FYB1: variants seen among roughly 807,000 people sequenced by gnomAD.
FYB1 encodes the protein FYN binding protein 1.
In FYB1, 41 loss-of-function variants were observed where a neutral mutation model predicts 94.1. The ratio of observed to expected loss-of-function variants is 0.44; its 90% CI spans 0.34 to 0.57. FYB1 has a LOEUF of 0.57. FYB1 is among the 20% of genes least tolerant of loss of function. The pLI, the probability that FYB1 is intolerant of heterozygous loss-of-function variation, is 0.02. For missense variants in FYB1, 1,050 were observed against 976.8 expected, an observed-to-expected ratio of 1.07 and a Z score of -1.00; for synonymous variants, 367 against 353.2, an observed-to-expected ratio of 1.04 and a Z score of -0.44.
intron 2 of FYB1, among the ~76,000 whole-genome samples, chr5:39,185,611 T>TATATATATATACACAC (rs1561230253): frequency 2.9e-5 from 4 of 138,696 alleles, no homozygotes; most frequent in African/African-American, 1.2e-4. Context: ...TATATACACA[T>TATATATATATACACAC]ATATATATAT....
chr5:39,196,392 G>A lies in FYB1; in HGVS notation c.1135+5434C>T, dbSNP rs142560599. 7.9e-3 allele frequency among the ~76,000 whole-genome samples: 1,192 copies of A among 151,758 alleles called. 6 individuals are homozygous for A. Among genetic ancestry groups the A allele is most frequent in the Non-Finnish European group, 0.013 (905 of 67,864 alleles). On this transcript the variant is annotated intron_variant, in intron 2 of 18. Coordinates refer to ENST00000512982, the MANE Select transcript of FYB1 (RefSeq NM_001465.6). Reference sequence around the variant, plus strand: ...CTAATTTTTGTATTTTTGGGGTTTCGCCATGTTGGCCAGGCTGGTCTTGAA... The same window carrying A: ...CTAATTTTTGTATTTTTGGGGTTTCACCATGTTGGCCAGGCTGGTCTTGAA...
intron 17 of FYB1, among the ~76,000 whole-genome samples, chr5:39,108,605 T>C (rs537341042): frequency 1.3e-5 from 2 of 152,236 alleles, no homozygotes; most frequent in East Asian, 3.9e-4. Flanking sequence ...CAATGGACTT[T>C]TATGTCTGTT....
At chr5:39,147,905 C>A (rs1341996124) in intron 3 of FYB1, among the ~76,000 whole-genome samples, 2 of 150,862 alleles carry the variant, frequency 1.3e-5, no homozygotes, top group Non-Finnish European at 3.0e-5. Flanking sequence ...TGGTCTCAAT[C>A]TCCTGACCTT....
chr5:39,151,332 C>G (rs1425507433), intron 3 of FYB1, among the ~76,000 whole-genome samples: 1 of 152,128 alleles, frequency 6.6e-6, no homozygotes, highest in Non-Finnish European at 1.5e-5. Flanking sequence ...CTCTGTCACC[C>G]AGGCTGGAGT....
chr5:39,248,173 A>C lies in FYB1; in HGVS notation c.-28+26230T>G, dbSNP rs369251424. Among the ~76,000 whole-genome samples, 8 of 152,344 alleles carry C rather than the reference A, an allele frequency of 5.3e-5. 1 individual carries two copies. The highest frequency in any genetic ancestry group is 1.9e-4 in the African/African-American group (8 of 41,582). ...TGTTGAAAATAAGTTTGAATATAAC[A>C]TTAATTACTCTAATTGACTGATAAC... On this transcript the variant is annotated intron_variant, in intron 1 of 1. Coordinates refer to the FYB1 transcript ENST00000510188.
At chr5:39,220,768 CCTT>C (rs1750212036), upstream of FYB1, among the ~76,000 whole-genome samples, 1 of 152,194 alleles carries the variant, frequency 6.6e-6, no homozygotes, top group Non-Finnish European at 1.5e-5. Flanking sequence ...TATGATTTTC[CCTT>C]CTTATAGAGT....
At chr5:39,168,883 C>T (rs934551274) in intron 2 of FYB1, among the ~76,000 whole-genome samples, 1 of 151,556 alleles carries the variant, frequency 6.6e-6, no homozygotes, top group Admixed American at 6.6e-5. Flanking sequence ...TGATTGTAAC[C>T]CATTATCAAT....
intron 1 of FYB1, among the ~76,000 whole-genome samples, chr5:39,258,535 G>A: frequency 6.6e-6 from 1 of 152,186 alleles, no homozygotes; most frequent in Admixed American, 6.5e-5. Flanking sequence ...AGGAGGCAGA[G>A]GTTGCAGTGA....
chr5:39,233,247 T>C (rs990603196), intron 1 of FYB1, among the ~76,000 whole-genome samples: 1 of 152,104 alleles, frequency 6.6e-6, no homozygotes, highest in Non-Finnish European at 1.5e-5. Context: ...AAGGAGGAAG[T>C]TAGACTTAGA....
At chr5:39,193,822 A>G (rs1747581047) in intron 2 of FYB1, among the ~76,000 whole-genome samples, 1 of 152,204 alleles carries the variant, frequency 6.6e-6, no homozygotes, top group South Asian at 2.1e-4. Context: ...GTCCCCAGTA[A>G]GGACTACCCT....
intron 2 of FYB1, among the ~76,000 whole-genome samples, chr5:39,162,227 T>C (rs547528757): frequency 1.3e-5 from 2 of 152,218 alleles, no homozygotes; most frequent in Non-Finnish European, 1.5e-5. Flanking sequence ...TAACTCCATA[T>C]TCAACCTTCT....
chr5:39,138,924 A>G (rs1387402575), intron 5 of FYB1: 8 of 570,406 alleles, frequency 1.4e-5, no homozygotes, highest in Non-Finnish European at 2.2e-5. Flanking sequence ...GGCTTATTTA[A>G]AATATTTTTT....
intron 1 of FYB1, chr5:39,269,747 CT>C: frequency 6.6e-6 from 1 of 152,336 alleles, no homozygotes; most frequent in South Asian, 2.1e-4. Flanking sequence ...TGTCTTCTCA[CT>C]GGGGGCTGAC....
At chr5:39,265,278 G>A (rs561760889) in intron 1 of FYB1, among the ~76,000 whole-genome samples, 1 of 152,084 alleles carries the variant, frequency 6.6e-6, no homozygotes, top group Admixed American at 6.5e-5. Context: ...TCAGGAGATC[G>A]AGACCAACCT....
chr5:39,272,545 G>A (rs1007906630), intron 1 of FYB1, among the ~76,000 whole-genome samples: 2 of 150,678 alleles, frequency 1.3e-5, no homozygotes, highest in African/African-American at 2.4e-5. Context: ...AGTGGCGGGC[G>A]CCTGTAGTCC....
intron 1 of FYB1, among the ~76,000 whole-genome samples, chr5:39,273,259 G>A (rs998932532): frequency 2.3e-4 from 35 of 152,192 alleles, no homozygotes; most frequent in Admixed American, 1.6e-3. Flanking sequence ...TGTGTAGAAA[G>A]AAGTGGACAT....
At chr5:39,144,882 C>T (rs780020654) in intron 3 of FYB1, among the ~76,000 whole-genome samples, 77 of 152,176 alleles carry the variant, frequency 5.1e-4, no homozygotes, top group Non-Finnish European at 7.9e-4. Context: ...CTTATTCAAA[C>T]AACTTAAAAC....
At chr5:39,229,506 G>C (rs1750627635) in intron 1 of FYB1, among the ~76,000 whole-genome samples, 5 of 152,264 alleles carry the variant, frequency 3.3e-5, no homozygotes, top group Admixed American at 3.3e-4. Flanking sequence ...ACCAAGGCGG[G>C]TGAGTTGGGG....
intron 1 of FYB1, among the ~76,000 whole-genome samples, chr5:39,244,761 G>C (rs191558207): frequency 6.6e-6 from 1 of 151,988 alleles, no homozygotes; most frequent in Non-Finnish European, 1.5e-5. Context: ...CTGTGAATCC[G>C]TCTGGTCCTG....
Sources: gnomAD v4.1 joint callset for allele counts (sites outside exome capture counted in the v4.1 genomes callset) on GRCh38, gnomAD v4.1.1 for gene constraint, MANE v1.5 for transcripts, NCBI Gene and HGNC (gene_info 2026-07-23, HGNC 2026-07-21) for gene names.